Variants in PHF13 observed in about 807,000 individuals in gnomAD.
The protein encoded by PHF13 is PHD zinc finger protein PHF5.
PHF13 carries 1 observed loss-of-function variant against 25.8 expected under a neutral mutation model. That is an observed-to-expected ratio of 0.04 (90% CI 0.01 to 0.18). The LOEUF is 0.18. PHF13 is among the 10% of genes least tolerant of loss of function. The pLI is 1.00. For synonymous variants in PHF13, 195 were observed against 162.4 expected (o/e 1.20, Z -1.53); for missense variants, 306 against 403.2 (o/e 0.76, Z 2.06).
In PHF13 at chr1:6,621,010, C is replaced by A. The variant is rs186184207; in HGVS notation, c.677-401C>A. ...TCGCGCCATTGCACTCCAGCCTGGG[C>A]GACAGCAAAACTCCGTCTCAAGAAA... On this transcript the variant is annotated intron_variant, in intron 3 of 3. Transcript: ENST00000377648. The surrounding 1 kb of genome is among the most constrained non-coding windows in gnomAD (Gnocchi z 4.8). 1.4e-4 allele frequency among the ~76,000 whole-genome samples: 21 copies of A among 145,570 alleles called. No individual in the cohort carries two copies. Among genetic ancestry groups the A allele is most frequent in the African/African-American group, 4.9e-4 (19 of 39,056 alleles).
In PHF13 at chr1:6,621,702, T is replaced by G; in HGVS notation, c.*65T>G. ...GCGACCGCGGGCTTTTTTGCCCTTC[T>G]CTTAGTTGAGCACAGAACCCTCAGC... On this transcript the variant is annotated 3_prime_UTR_variant, in exon 4 of 4. Coordinates refer to ENST00000377648, the MANE Select transcript of PHF13 (RefSeq NM_153812.3). This position sits in a 1 kb window ranked among gnomAD's most constrained non-coding sequence, Gnocchi z 4.8. 9.9e-6 allele frequency: 15 copies of G among 1,512,716 alleles called. No homozygotes were observed. In the South Asian group the frequency reaches 1.6e-4, roughly 16 times the overall value. 93.7% of individuals were successfully genotyped at this position (1,512,716 alleles called of 1,614,324 possible).
intron 1 of PHF13, among the ~76,000 whole-genome samples, chr1:6,616,025 A>ATTTT (rs5772244): frequency 0.17 from 15,172 of 91,530 alleles, 1,663 homozygotes; most frequent in Non-Finnish European, 0.21. Flanking sequence ...TGAGTGGTTG[A>ATTTT]TTTTTTTTTT....
rs1641313829 is a variant in PHF13 at position 6,619,978 on chromosome 1, T to G, written c.317T>G (p.Phe106Cys). 1.2e-6 allele frequency: 2 copies of G among 1,613,644 alleles called. No individual in the cohort carries two copies. Among genetic ancestry groups the G allele is most frequent in the South Asian group, 2.2e-5 (2 of 91,074 alleles). Residue 106 changes from phenylalanine to cysteine, a missense_variant, in exon 3 of 4, where the codon TTC (phenylalanine) becomes TGC (cysteine). This residue lies in a region of PHF13 where 186 missense variants were observed against 164.0 expected (regional missense o/e 1.13). Transcript: ENST00000377648. ...TLLQRAKPSNFLLDRKKTDKL... is the reference protein window; with the variant it reads ...TLLQRAKPSNCLLDRKKTDKL... ...TTGCAGCGAGCCAAGCCCAGTAACTTCCTGCTGGACAGAAAGAAAACGGAC... is the reference window on the plus strand; with the variant it reads ...TTGCAGCGAGCCAAGCCCAGTAACTGCCTGCTGGACAGAAAGAAAACGGAC...
At position 6,615,890 on chromosome 1, in the gene PHF13, C is replaced by A. The variant is rs57251249; in HGVS notation, c.40-867C>A. 3.4e-3 allele frequency among the ~76,000 whole-genome samples: 524 copies of A among 152,184 alleles called. 4 individuals are homozygous for A. Among genetic ancestry groups the A allele is most frequent in the African/African-American group, 0.012 (499 of 41,526 alleles). On this transcript the variant is annotated intron_variant, in intron 1 of 3. Coordinates refer to ENST00000377648, the MANE Select transcript of PHF13 (RefSeq NM_153812.3). ...GTTGAGATAGTTGGGTGCCTGGCAT[C>A]CCGACTGGCTGGGACAGTGGAGGGG... is the stretch of plus-strand genomic sequence containing the variant.
chr1:6,621,047 C>A lies in PHF13; in HGVS notation c.677-364C>A, dbSNP rs1449825989. Among the ~76,000 whole-genome samples, 29 of 113,832 alleles carry A rather than the reference C, an allele frequency of 2.5e-4. 1 individual carries two copies. Among genetic ancestry groups the A allele is most frequent in the Non-Finnish European group, 7.7e-5 (4 of 51,880 alleles). 74.7% of individuals were successfully genotyped at this position (113,832 alleles called of 152,430 possible). A position where few individuals can be genotyped will look rare whatever the true frequency, so the allele number is the denominator to read the frequency against. Reference sequence around the variant, plus strand: ...TCCGTCTCAAGAAAAAAAAAAAAAACAATAGTCGAGTGTGGTGGTGTGTGC... The same window carrying A: ...TCCGTCTCAAGAAAAAAAAAAAAAAAAATAGTCGAGTGTGGTGGTGTGTGC... On this transcript the variant is annotated intron_variant, in intron 3 of 3. Transcript: ENST00000377648. The surrounding 1 kb of genome is among the most constrained non-coding windows in gnomAD (Gnocchi z 4.8).
rs186184207 is a variant in PHF13 at position 6,621,010 on chromosome 1, C to T, written c.677-401C>T. 2.2e-3 allele frequency among the ~76,000 whole-genome samples: 318 copies of T among 145,560 alleles called. 2 individuals are homozygous for T. Among genetic ancestry groups the T allele is most frequent in the African/African-American group, 7.9e-3 (310 of 39,052 alleles). On this transcript the variant is annotated intron_variant, in intron 3 of 3. Coordinates refer to ENST00000377648, the MANE Select transcript of PHF13 (RefSeq NM_153812.3). This position sits in a 1 kb window ranked among gnomAD's most constrained non-coding sequence, Gnocchi z 4.8. ...TCGCGCCATTGCACTCCAGCCTGGG[C>T]GACAGCAAAACTCCGTCTCAAGAAA...
At position 6,623,102 on chromosome 1, in the gene PHF13, G is replaced by C. The variant is rs1341753291; in HGVS notation, c.*1465G>C. On this transcript the variant is annotated 3_prime_UTR_variant, in exon 4 of 4. Transcript: ENST00000377648. Reference sequence around the variant, plus strand: ...GATGGGCCCGCGTTCTCACTGCTGGGGGCTTCCCCTTCATGTGGCACCTTT... The same window carrying C: ...GATGGGCCCGCGTTCTCACTGCTGGCGGCTTCCCCTTCATGTGGCACCTTT... 6.6e-6 allele frequency: 1 copy of C among 152,220 alleles called. No homozygotes were observed. The highest frequency in any genetic ancestry group is 2.4e-5 in the African/African-American group (1 of 41,460). The allele number at this position is 152,220 out of a possible 1,614,324, so 9.4% of individuals were successfully genotyped here. A position where few individuals can be genotyped will look rare whatever the true frequency, so the allele number is the denominator to read the frequency against.
At position 6,622,463 on chromosome 1, in the gene PHF13, T is replaced by C. The variant is rs1457398758; in HGVS notation, c.*826T>C. On this transcript the variant is annotated 3_prime_UTR_variant, in exon 4 of 4. Transcript: ENST00000377648. ...GAGGTCTTGGTGGGCTCAGGCCAGCTGTTTGCGAGTGTGGGAACTCATAGG... is the reference window on the plus strand; with the variant it reads ...GAGGTCTTGGTGGGCTCAGGCCAGCCGTTTGCGAGTGTGGGAACTCATAGG... 6.6e-6 allele frequency: 1 copy of C among 152,580 alleles called. No homozygotes were observed. The highest frequency in any genetic ancestry group is 1.5e-5 in the Non-Finnish European group (1 of 68,074). The allele number at this position is 152,580 out of a possible 1,614,324, so 9.5% of individuals were successfully genotyped here.
chr1:6,621,787 G>A lies in PHF13; in HGVS notation c.*150G>A. ...TAAGCAAAAGGACAGGCTGTCCAAG[G>A]TAGAAACTGTACATAGCCGGTGACC... On this transcript the variant is annotated 3_prime_UTR_variant, in exon 4 of 4. Transcript: ENST00000377648. This position sits in a 1 kb window ranked among gnomAD's most constrained non-coding sequence, Gnocchi z 4.8. 3.9e-6 allele frequency: 3 copies of A among 763,156 alleles called. No individual in the cohort carries two copies. Among genetic ancestry groups the A allele is most frequent in the Non-Finnish European group, 6.4e-6 (3 of 466,650 alleles). The allele number at this position is 763,156 out of a possible 1,614,324, so 47.3% of individuals were successfully genotyped here.
chr1:6,621,319 T>C lies in PHF13; in HGVS notation c.677-92T>C. 7.4e-7 allele frequency: 1 copy of C among 1,354,658 alleles called. No homozygotes were observed. The highest frequency in any genetic ancestry group is 1.0e-6 in the Non-Finnish European group (1 of 965,322). 83.9% of individuals were successfully genotyped at this position (1,354,658 alleles called of 1,614,324 possible). On this transcript the variant is annotated intron_variant, in intron 3 of 3. Coordinates refer to ENST00000377648, the MANE Select transcript of PHF13 (RefSeq NM_153812.3). The surrounding 1 kb of genome is among the most constrained non-coding windows in gnomAD (Gnocchi z 4.8). ...CGAGTGGCAGTTGGAAGTGTTCTCG[T>C]CAGTAGAGTTAATGGGTTTCATGGA...
chr1:6,613,946 G>C lies in PHF13; in HGVS notation c.-121G>C, dbSNP rs1037758365. 224 of 603,446 alleles carry C rather than the reference G, an allele frequency of 3.7e-4. 1 individual carries two copies. Among genetic ancestry groups the C allele is most frequent in the Non-Finnish European group, 5.9e-4 (209 of 355,374 alleles). The allele number at this position is 603,446 out of a possible 1,614,324, so 37.4% of individuals were successfully genotyped here. On this transcript the variant is annotated 5_prime_UTR_variant, in exon 1 of 4. Transcript: ENST00000377648. Reference sequence around the variant, plus strand: ...GAGCCCCCCATCACCTCCAGCCCGGGCGACCCCTCCCGGGTCCGCCCTCGC... The same window carrying C: ...GAGCCCCCCATCACCTCCAGCCCGGCCGACCCCTCCCGGGTCCGCCCTCGC...
Position 6,621,601 on chromosome 1 carries a change from C to G in PHF13, c.867C>G (p.Arg289=). 1 of 1,614,226 alleles carries G rather than the reference C, an allele frequency of 6.2e-7. No individual in the cohort carries two copies. Among genetic ancestry groups the G allele is most frequent in the Non-Finnish European group, 8.5e-7 (1 of 1,180,044 alleles). ...DSKFDIRRSN[R]SRTGSRKLFL... ...AGTTTGACATCCGCCGTTCCAACCG[C>G]TCGCGGACGGGCTCCCGGAAGCTGT... Residue 289 remains arginine, a synonymous_variant, in exon 4 of 4, where the codon CGC becomes CGG. Transcript: ENST00000377648. The surrounding 1 kb of genome is among the most constrained non-coding windows in gnomAD (Gnocchi z 4.8).
chr1:6,621,061 G>A lies in PHF13; in HGVS notation c.677-350G>A, dbSNP rs912643257. On this transcript the variant is annotated intron_variant, in intron 3 of 3. Coordinates refer to ENST00000377648, the MANE Select transcript of PHF13 (RefSeq NM_153812.3). This position sits in a 1 kb window ranked among gnomAD's most constrained non-coding sequence, Gnocchi z 4.8. ...AAAAAAAAAAACAATAGTCGAGTGT[G>A]GTGGTGTGTGCCTGTAGTCCCAGCT... Among the ~76,000 whole-genome samples, 3 of 151,210 alleles carry A rather than the reference G, an allele frequency of 2.0e-5. No individual in the cohort carries two copies. Among genetic ancestry groups the A allele is most frequent in the Non-Finnish European group, 4.4e-5 (3 of 67,814 alleles).
rs1641382747 is a variant in PHF13, at chr1:6,623,664, TTTG to T, written c.*2030_*2032del. The T allele has an allele frequency of 1.3e-5, 2 of 152,686 alleles. No homozygotes were observed. Among genetic ancestry groups the T allele is most frequent in the East Asian group, 3.8e-4 (2 of 5,200 alleles). 9.5% of individuals were successfully genotyped at this position (152,686 alleles called of 1,614,324 possible). The stretch of plus-strand genomic sequence containing the variant: ...TCCATTTTGTTTCCTTGATTGCATT[TTTG>T]TTCTTTTAGCAGATCTGTCCCTGTG... On this transcript the variant is annotated 3_prime_UTR_variant, in exon 4 of 4. Coordinates refer to ENST00000377648, the MANE Select transcript of PHF13 (RefSeq NM_153812.3).
At chr1:6,617,906 G>A (rs962052049) in intron 2 of PHF13, among the ~76,000 whole-genome samples, 1 of 152,198 alleles carries the variant, frequency 6.6e-6, no homozygotes, top group African/African-American at 2.4e-5. Context: ...GATTAGTGGT[G>A]GAGCTTGGGG....
intron 2 of PHF13, among the ~76,000 whole-genome samples, chr1:6,618,587 C>T (rs565930445): frequency 6.6e-6 from 1 of 152,292 alleles, no homozygotes; most frequent in East Asian, 1.9e-4. Context: ...AGGCAAACTG[C>T]CAGCATTGGT....
At position 6,621,686 on chromosome 1, in the gene PHF13, G is replaced by C; in HGVS notation, c.*49G>C. Reference sequence around the variant, plus strand: ...GAGCGTGGAATCGGAAGCGACCGCGGGCTTTTTTGCCCTTCTCTTAGTTGA... The same window carrying C: ...GAGCGTGGAATCGGAAGCGACCGCGCGCTTTTTTGCCCTTCTCTTAGTTGA... On this transcript the variant is annotated 3_prime_UTR_variant, in exon 4 of 4. Coordinates refer to ENST00000377648, the MANE Select transcript of PHF13 (RefSeq NM_153812.3). The surrounding 1 kb of genome is among the most constrained non-coding windows in gnomAD (Gnocchi z 4.8). The C allele has an allele frequency of 6.3e-7, 1 of 1,576,462 alleles. No individual in the cohort carries two copies. Among genetic ancestry groups the C allele is most frequent in the Non-Finnish European group, 8.7e-7 (1 of 1,150,110 alleles).
chr1:6,619,729 G>T, intron 2 of PHF13, 74 bp from the exon 3 acceptor site: 1 of 1,451,534 alleles, frequency 6.9e-7, no homozygotes, highest in South Asian at 1.3e-5. Context: ...GACATGGCTG[G>T]GTGGCTGGGG....
At chr1:6,617,861 A>G (rs1016740281) in intron 2 of PHF13, among the ~76,000 whole-genome samples, 1 of 152,244 alleles carries the variant, frequency 6.6e-6, no homozygotes, top group Admixed American at 6.5e-5. Context: ...AAACTAAGGC[A>G]TAGAGAGGGA....
Sources: gnomAD v4.1 joint callset for allele counts (sites outside exome capture counted in the v4.1 genomes callset) on GRCh38, gnomAD v4.1.1 for gene constraint, gnomAD v4.1.1 regional missense constraint, Gnocchi (gnomAD v3.1) non-coding constraint, MANE v1.5 for transcripts, NCBI Gene and HGNC (gene_info 2026-07-23, HGNC 2026-07-21) for gene names.